Variants in SMARCC1 observed in about 807,000 individuals in gnomAD.
The protein encoded by SMARCC1 is SWI/SNF related BAF chromatin remodeling complex subunit C1.
SMARCC1 carries 43 observed loss-of-function variants against 147.4 expected under a neutral mutation model. That is an observed-to-expected ratio of 0.29 (90% CI 0.23 to 0.38). SMARCC1 has a LOEUF of 0.38. Ranked by LOEUF, SMARCC1 falls within the 10% of genes least tolerant of loss-of-function variation. The pLI is 1.00. For synonymous variants in SMARCC1, 495 were observed against 484.4 expected (o/e 1.02, Z -0.29); for missense variants, 1,119 against 1,381.1 (o/e 0.81, Z 3.01).
At chr3:47,684,930 T>A (rs1429724567) in intron 14 of SMARCC1, among the ~76,000 whole-genome samples, 1 of 152,058 alleles carries the variant, frequency 6.6e-6, no homozygotes, top group African/African-American at 2.4e-5. Context: ...CAAAAACCAA[T>A]AATAAAAAAG....
At position 47,738,011 on chromosome 3, in the gene SMARCC1, C is replaced by A. The variant is rs1480186065; in HGVS notation, c.483+18G>T. Reference sequence around the variant, plus strand: ...TATTAAAGGTAAACTTTTTAAATAACCTAAGTTTCCAAGTTACCTGCACCA... The same window carrying A: ...TATTAAAGGTAAACTTTTTAAATAAACTAAGTTTCCAAGTTACCTGCACCA... On this transcript the variant is annotated intron_variant, in intron 4 of 27. Coordinates refer to ENST00000254480, the MANE Select transcript of SMARCC1 (RefSeq NM_003074.4). The A allele has an allele frequency of 6.4e-7, 1 of 1,554,184 alleles. No individual in the cohort carries two copies. Among genetic ancestry groups the A allele is most frequent in the Non-Finnish European group, 8.8e-7 (1 of 1,142,234 alleles).
intron 2 of SMARCC1, among the ~76,000 whole-genome samples, chr3:47,763,435 A>G (rs893635331): frequency 2.6e-5 from 4 of 151,910 alleles, no homozygotes; most frequent in African/African-American, 7.2e-5. Flanking sequence ...TAAAAACATA[A>G]TAATTTTTTC....
At chr3:47,758,688 C>G (rs1342477367) in intron 2 of SMARCC1, among the ~76,000 whole-genome samples, 1 of 152,118 alleles carries the variant, frequency 6.6e-6, no homozygotes, top group African/African-American at 2.4e-5. Flanking sequence ...TATTTACTAT[C>G]TAGAATATTT....
Position 47,588,146 on chromosome 3 carries a change from A to C in SMARCC1, c.*63T>G. 1 of 1,299,884 alleles carries C rather than the reference A, an allele frequency of 7.7e-7. No homozygotes were observed. Among genetic ancestry groups the C allele is most frequent in the Non-Finnish European group, 1.1e-6 (1 of 910,742 alleles). The allele number at this position is 1,299,884 out of a possible 1,614,324, so 80.5% of individuals were successfully genotyped here. A position where few individuals can be genotyped will look rare whatever the true frequency, so the allele number is the denominator to read the frequency against. ...GAAACCCAAGAAAGTTGAGGAACAC[A>C]AGTCTTGTCATCCCCACTCCAGCTC... On this transcript the variant is annotated 3_prime_UTR_variant, in exon 28 of 28. Transcript: ENST00000254480.
intron 6 of SMARCC1, among the ~76,000 whole-genome samples, chr3:47,723,016 C>T (rs1482070923): frequency 6.6e-6 from 1 of 152,130 alleles, no homozygotes; most frequent in African/African-American, 2.4e-5. Context: ...TTGCCTGGTA[C>T]CTCGCCCTGG....
intron 19 of SMARCC1, among the ~76,000 whole-genome samples, chr3:47,666,588 T>TTAAAAAAA (rs2033422863): frequency 7.1e-6 from 1 of 140,268 alleles, no homozygotes; most frequent in Non-Finnish European, 1.5e-5. Flanking sequence ...TTTTCCTAAT[T>TTAAAAAAA]AAAAAAAAAA....
chr3:47,743,199 T>C (rs1272943705), intron 3 of SMARCC1, among the ~76,000 whole-genome samples: 5 of 152,176 alleles, frequency 3.3e-5, no homozygotes, highest in Non-Finnish European at 7.3e-5. Flanking sequence ...AGTATTCAGA[T>C]ATCCAAACAG....
intron 5 of SMARCC1, among the ~76,000 whole-genome samples, chr3:47,733,525 G>A (rs2034401644): frequency 6.6e-6 from 1 of 152,132 alleles, no homozygotes; most frequent in African/African-American, 2.4e-5. Context: ...GGCAGATCAT[G>A]AAGTCAGGAA....
chr3:47,659,386 A>G (rs1017488127), intron 21 of SMARCC1, among the ~76,000 whole-genome samples: 1 of 151,968 alleles, frequency 6.6e-6, no homozygotes, highest in Non-Finnish European at 1.5e-5. Context: ...AAAGAAAACT[A>G]TAAACAATAT....
intron 1 of SMARCC1, among the ~76,000 whole-genome samples, chr3:47,778,441 T>C (rs1340900222): frequency 6.6e-6 from 1 of 151,948 alleles, no homozygotes; most frequent in Non-Finnish European, 1.5e-5. Context: ...CTCAGCCAAG[T>C]AGCTGGGACT....
At chr3:47,749,630 G>A (rs1320011374) in intron 2 of SMARCC1, among the ~76,000 whole-genome samples, 6 of 91,762 alleles carry the variant, frequency 6.5e-5, no homozygotes, top group Non-Finnish European at 1.1e-4. Flanking sequence ...CCACACCACC[G>A]CACTCCAGCC....
intron 26 of SMARCC1, among the ~76,000 whole-genome samples, chr3:47,608,479 A>C (rs2032512930): frequency 6.6e-6 from 1 of 152,170 alleles, no homozygotes; most frequent in Non-Finnish European, 1.5e-5. Context: ...CCGACTGACA[A>C]CACCAGAACT....
At chr3:47,705,370 A>G (rs1055878560) in intron 10 of SMARCC1, among the ~76,000 whole-genome samples, 3 of 151,976 alleles carry the variant, frequency 2.0e-5, no homozygotes, top group South Asian at 2.1e-4. Context: ...GTTACCCCAT[A>G]AACAGCTAAC....
At chr3:47,599,276 G>C (rs374722249) in intron 26 of SMARCC1, among the ~76,000 whole-genome samples, 3 of 152,092 alleles carry the variant, frequency 2.0e-5, no homozygotes, top group East Asian at 3.9e-4. Flanking sequence ...CCAGCTACTT[G>C]GGAAGCTGAG....
chr3:47,746,016 A>G (rs757658738), intron 2 of SMARCC1, 23 bp from the exon 3 acceptor site: 10 of 1,466,610 alleles, frequency 6.8e-6, no homozygotes, highest in Non-Finnish European at 9.2e-7. Flanking sequence ...CAAATTACAC[A>G]TGAGAAAAAT....
intron 18 of SMARCC1, among the ~76,000 whole-genome samples, chr3:47,672,920 AGGCAGCC>A (rs1400920988): frequency 1.3e-5 from 2 of 151,648 alleles, no homozygotes; most frequent in Non-Finnish European, 2.9e-5. Context: ...CTGGAATTAC[AGGCAGCC>A]GCCACCATGT....
intron 5 of SMARCC1, among the ~76,000 whole-genome samples, chr3:47,731,216 G>A (rs187227596): frequency 4.6e-5 from 7 of 152,280 alleles, no homozygotes; most frequent in Non-Finnish European, 1.5e-5. Context: ...TAGATTCCAT[G>A]TCAAGAAAGC....
intron 24 of SMARCC1, 134 bp downstream of exon 24, chr3:47,635,056 C>G (rs1367595784): frequency 2.7e-6 from 2 of 735,528 alleles, no homozygotes; most frequent in Non-Finnish European, 4.5e-6. Flanking sequence ...GATTTCTTAA[C>G]CTAGAAATGC....
chr3:47,773,039 T>C (rs1391064542), intron 1 of SMARCC1, 103 bp from the exon 2 acceptor site: 7 of 977,548 alleles, frequency 7.2e-6, no homozygotes, highest in Admixed American at 6.9e-5. Context: ...ATGGGAAATT[T>C]ATAGATGTCT....
Sources: allele counts gnomAD v4.1 joint callset (sites outside exome capture counted in the v4.1 genomes callset), GRCh38; gene constraint gnomAD v4.1.1; transcripts MANE v1.5; gene names NCBI Gene and HGNC (gene_info 2026-07-23, HGNC 2026-07-21).